Variants in PRKCZ observed in about 807,000 individuals in gnomAD.
The protein encoded by PRKCZ is protein kinase C zeta, also known as protein kinase C zeta type.
In PRKCZ, 33 loss-of-function variants were observed where a neutral mutation model predicts 79.5. The ratio of observed to expected loss-of-function variants is 0.41; its 90% CI spans 0.31 to 0.55. PRKCZ has a LOEUF of 0.55. Among genes scored for constraint, PRKCZ ranks in the 20% least tolerant of loss-of-function variants. The pLI is 0.19. For synonymous variants in PRKCZ, 342 were observed against 320.9 expected, an observed-to-expected ratio of 1.07 and a Z score of -0.70; for missense variants, 578 against 813.5, an observed-to-expected ratio of 0.71 and a Z score of 3.52.
chr1:2,102,957 G>A (rs1667754940), intron 4 of PRKCZ, among the ~76,000 whole-genome samples: 3 of 151,982 alleles, frequency 2.0e-5, no homozygotes, highest in Admixed American at 2.0e-4. Flanking sequence ...ACGGCTCACT[G>A]CAGCTGGGCT....
intron 4 of PRKCZ, among the ~76,000 whole-genome samples, chr1:2,066,504 A>G (rs2102278128): frequency 6.6e-6 from 1 of 152,250 alleles, no homozygotes; most frequent in South Asian, 2.1e-4. Context: ...CATCACACCC[A>G]GCTGATTTTT....
intron 4 of PRKCZ, among the ~76,000 whole-genome samples, chr1:2,085,736 C>T (rs1173445815): frequency 7.0e-6 from 1 of 143,800 alleles, no homozygotes; most frequent in Non-Finnish European, 1.6e-5. Flanking sequence ...CGTGAGGCAC[C>T]GTGCTGGAGG....
chr1:2,119,894 C>T (rs1272624080), intron 4 of PRKCZ, among the ~76,000 whole-genome samples: 1 of 150,286 alleles, frequency 6.7e-6, no homozygotes, highest in African/African-American at 2.5e-5. Flanking sequence ...TCAAGCGATT[C>T]TCCTGGCTCA....
chr1:2,074,672 C>A, intron 4 of PRKCZ: 1 of 322,652 alleles, frequency 3.1e-6, no homozygotes, highest in East Asian at 7.2e-5. Context: ...GTGGCACAGC[C>A]AGGGTTAATG....
intron 4 of PRKCZ, among the ~76,000 whole-genome samples, chr1:2,112,114 T>C (rs1669858930): frequency 1.3e-5 from 2 of 152,222 alleles, no homozygotes; most frequent in African/African-American, 4.8e-5. Flanking sequence ...GAATGTGGTT[T>C]CCAGCAGAGC....
chr1:2,093,169 A>G (rs1053753508), intron 4 of PRKCZ, among the ~76,000 whole-genome samples: 2 of 151,638 alleles, frequency 1.3e-5, no homozygotes, highest in African/African-American at 4.9e-5. Flanking sequence ...GAGGAGGCAG[A>G]TGGCGAGGGC....
chr1:2,161,289 G>A (rs1176285356), intron 10 of PRKCZ, among the ~76,000 whole-genome samples: 2 of 152,262 alleles, frequency 1.3e-5, no homozygotes, highest in Admixed American at 6.5e-5. Flanking sequence ...TCCGGAGCAG[G>A]ACGCTTGGGC....
At position 2,106,452 on chromosome 1, in the gene PRKCZ, T is replaced by A. The variant is rs553081109; in HGVS notation, c.335-28810T>A. On this transcript the variant is annotated intron_variant, in intron 4 of 17. Coordinates refer to ENST00000378567, the MANE Select transcript of PRKCZ (RefSeq NM_002744.6). ...CACACGTGTCGCCAGGCCAGGCGACTCTCAGCAAGCCCCTCCAGTGGGCGA... is the reference window on the plus strand; with the variant it reads ...CACACGTGTCGCCAGGCCAGGCGACACTCAGCAAGCCCCTCCAGTGGGCGA... Among the ~76,000 whole-genome samples the A allele has an allele frequency of 1.3e-3, 201 of 149,430 alleles. 2 individuals carry two copies. Among genetic ancestry groups the A allele is most frequent in the African/African-American group, 4.6e-3 (182 of 39,770 alleles).
intron 4 of PRKCZ, among the ~76,000 whole-genome samples, chr1:2,098,182 G>A (rs1319419531): frequency 3.9e-5 from 6 of 152,068 alleles, no homozygotes; most frequent in Non-Finnish European, 8.8e-5. Context: ...GAAACTAGGG[G>A]CAAGGATATG....
At chr1:2,089,062 A>G (rs1665028678) in intron 4 of PRKCZ, among the ~76,000 whole-genome samples, 1 of 152,232 alleles carries the variant, frequency 6.6e-6, no homozygotes, top group Non-Finnish European at 1.5e-5. Context: ...TCAGCTAATA[A>G]TAGCAGTAAC....
At chr1:2,108,026 G>A (rs547622513) in intron 4 of PRKCZ, among the ~76,000 whole-genome samples, 88 of 152,376 alleles carry the variant, frequency 5.8e-4, no homozygotes, top group African/African-American at 1.8e-3. Context: ...GCCTGCCTCC[G>A]TGGGGTGCTG....
chr1:2,138,039 G>A (rs1676578405), intron 5 of PRKCZ, among the ~76,000 whole-genome samples: 1 of 152,178 alleles, frequency 6.6e-6, no homozygotes, highest in Admixed American at 6.5e-5. Context: ...CCACCTGCTC[G>A]TAACGTTCTC....
chr1:2,114,380 G>A lies in PRKCZ; in HGVS notation c.335-20882G>A, dbSNP rs58440719. 1.5e-3 allele frequency among the ~76,000 whole-genome samples: 236 copies of A among 152,326 alleles called. 1 individual carries two copies. The highest frequency in any genetic ancestry group is 5.4e-3 in the African/African-American group (225 of 41,566). On this transcript the variant is annotated intron_variant, in intron 4 of 17. Transcript: ENST00000378567. ...TGGTGGACATTAATTCTTAGAAGAG[G>A]TTTTATTTGAAACAAGTCACAAAAA...
At chr1:2,183,100 G>A (rs912904913) in intron 16 of PRKCZ, among the ~76,000 whole-genome samples, 3 of 152,146 alleles carry the variant, frequency 2.0e-5, no homozygotes, top group Non-Finnish European at 4.4e-5. Context: ...GCGTGGTGGC[G>A]GGCGCCTGTA....
chr1:2,053,767 G>C (rs1382593175), intron 1 of PRKCZ, among the ~76,000 whole-genome samples: 1 of 152,244 alleles, frequency 6.6e-6, no homozygotes, highest in Admixed American at 6.5e-5. Context: ...TCAGACTTTT[G>C]GACTCCAGGT....
chr1:2,155,899 C>T (rs915953181), intron 9 of PRKCZ, 96 bp from the exon 10 acceptor site: 32 of 1,027,694 alleles, frequency 3.1e-5, no homozygotes, highest in Admixed American at 5.3e-5. Flanking sequence ...TTCCTGAAAG[C>T]GGAGGAAAGA....
At chr1:2,106,315 TAGAG>T (rs2102642845) in intron 4 of PRKCZ, among the ~76,000 whole-genome samples, 1 of 152,300 alleles carries the variant, frequency 6.6e-6, no homozygotes, top group Non-Finnish European at 1.5e-5. Flanking sequence ...CTGACAGAAG[TAGAG>T]AGAATTACAT....
intron 16 of PRKCZ, among the ~76,000 whole-genome samples, chr1:2,176,222 G>A (rs1194466409): frequency 6.6e-6 from 1 of 152,202 alleles, no homozygotes; most frequent in Non-Finnish European, 1.5e-5. Flanking sequence ...TGCAGCCCCA[G>A]CGGGCCACGT....
At chr1:2,148,971 A>C (rs1352053275) in intron 8 of PRKCZ, 47 bp downstream of exon 8, 3 of 1,582,906 alleles carry the variant, frequency 1.9e-6, no homozygotes, top group African/African-American at 2.7e-5. Context: ...TCCTCTGGAA[A>C]GTCTGTGAGC....
Sources: allele counts gnomAD v4.1 joint callset (sites outside exome capture counted in the v4.1 genomes callset), GRCh38; gene constraint gnomAD v4.1.1; transcripts MANE v1.5; gene names NCBI Gene and HGNC (gene_info 2026-07-23, HGNC 2026-07-21).